Variants in PLXNC1 observed in about 807,000 individuals in gnomAD.
PLXNC1 encodes plexin C1.
In PLXNC1, 75 loss-of-function variants were observed where a neutral mutation model predicts 178.2. That is an observed-to-expected ratio of 0.42 (90% CI 0.35 to 0.51). The LOEUF (loss-of-function observed/expected upper bound fraction) is 0.51, where lower values mean the gene tolerates loss of function less well. PLXNC1 is among the 20% of genes least tolerant of loss of function. The probability of loss-of-function intolerance (pLI) is 0.02; values close to 1 mark genes in which losing one functional copy is unlikely to be tolerated. For missense variants in PLXNC1, 1,503 were observed against 1,984.4 expected (o/e 0.76, Z 4.61); for synonymous variants, 790 against 779.9 (o/e 1.01, Z -0.22).
chr12:94,191,769 C>CA (rs58096506), intron 4 of PLXNC1, among the ~76,000 whole-genome samples: 26,077 of 141,104 alleles, frequency 0.18, 2,500 homozygotes, highest in Admixed American at 0.2. Context: ...AACTCCATCT[C>CA]AAAAAAAAAA....
Position 94,209,650 on chromosome 12 carries a change from G to C in PLXNC1, c.1500G>C (p.Ser500=), listed in dbSNP as rs369096323. 14 of 1,613,392 alleles carry C rather than the reference G, an allele frequency of 8.7e-6. No individual in the cohort carries two copies. Among genetic ancestry groups the C allele is most frequent in the Non-Finnish European group, 1.2e-5 (14 of 1,179,558 alleles). ...SENLENWLDI[S]SGAKKCPKIQ... ...ACTTAGAAAACTGGCTGGATATTTC[G>C]TCTGGAGCAAAAAAGTGCCCTAAAA... Residue 500 remains serine, a synonymous_variant, in exon 5 of 31, where the codon TCG becomes TCC. Transcript: ENST00000258526.
Position 94,306,237 on chromosome 12 carries a change from A to AG in PLXNC1, c.*953dup, listed in dbSNP as rs1968998581. On this transcript the variant is annotated 3_prime_UTR_variant, in exon 31 of 31. Transcript: ENST00000258526. The stretch of plus-strand genomic sequence containing the variant: ...ACTTGTGTGTGATTTAAAAAAAAAA[A>AG]GATACATTTTACATTTTATCGAATT... 6.6e-6 allele frequency: 1 copy of AG among 151,882 alleles called. No individual in the cohort carries two copies. Among genetic ancestry groups the AG allele is most frequent in the Non-Finnish European group, 1.5e-5 (1 of 67,966 alleles). 9.4% of individuals were successfully genotyped at this position (151,882 alleles called of 1,614,324 possible).
At chr12:94,189,588 G>T (rs1337556795) in intron 4 of PLXNC1, among the ~76,000 whole-genome samples, 2 of 152,054 alleles carry the variant, frequency 1.3e-5, no homozygotes, top group African/African-American at 4.8e-5. Flanking sequence ...GTTAAGGTGG[G>T]AGGCTTGCTT....
intron 1 of PLXNC1, among the ~76,000 whole-genome samples, chr12:94,163,678 T>G (rs1228347815): frequency 6.6e-6 from 1 of 152,160 alleles, no homozygotes; most frequent in Non-Finnish European, 1.5e-5. Flanking sequence ...ACGGCTGTGC[T>G]GCACACCAGT....
chr12:94,284,105 AAAAG>A (rs1460535451), intron 23 of PLXNC1, among the ~76,000 whole-genome samples: 6 of 151,782 alleles, frequency 4.0e-5, no homozygotes, highest in Non-Finnish European at 5.9e-5. Flanking sequence ...AAAAAAAAAA[AAAAG>A]CAGGGTTTGC....
In PLXNC1 at chr12:94,300,946, C is replaced by A. The variant is rs1163947191; in HGVS notation, c.4275C>A (p.Asn1425Lys). ...PLRFWVNILK[N>K]PQFVFDIKKT... ...GCTTCTGGGTAAACATCCTGAAGAA[C>A]CCTCAGTTTGTCTTTGACATTAAGA... The change falls in exon 28 of 31, where the codon AAC (asparagine) becomes AAA (lysine). Residue 1425 changes from asparagine (N) to lysine (K), a missense_variant. By Grantham distance (94) the Asn-to-Lys change is moderately conservative. Coordinates refer to ENST00000258526, the MANE Select transcript of PLXNC1 (RefSeq NM_005761.3). 2.5e-6 allele frequency: 4 copies of A among 1,613,332 alleles called. No homozygotes were observed. The highest frequency in any genetic ancestry group is 1.3e-5 in the African/African-American group (1 of 74,992).
intron 4 of PLXNC1, among the ~76,000 whole-genome samples, chr12:94,204,560 G>A (rs1273265637): frequency 1.3e-5 from 2 of 152,194 alleles, no homozygotes; most frequent in Non-Finnish European, 2.9e-5. Context: ...CTTATGTTTT[G>A]GCATTCCCCT....
At chr12:94,217,007 C>T (rs1007673249) in intron 5 of PLXNC1, among the ~76,000 whole-genome samples, 33 of 152,186 alleles carry the variant, frequency 2.2e-4, no homozygotes, top group African/African-American at 7.5e-4. Context: ...AAAATACCTT[C>T]ACCTCACTGG....
rs1279402594 is a variant in PLXNC1 at position 94,305,435 on chromosome 12, A to G, written c.*150A>G. 4 of 593,418 alleles carry G rather than the reference A, an allele frequency of 6.7e-6. No individual in the cohort carries two copies. The highest frequency in any genetic ancestry group is 2.8e-5 in the East Asian group (1 of 35,776). 36.8% of individuals were successfully genotyped at this position (593,418 alleles called of 1,614,324 possible). The stretch of plus-strand genomic sequence containing the variant: ...TTTTAAGAGACCAAGGCACATGCAC[A>G]GCTTTTAGAAAGCATACCAACCCTT... On this transcript the variant is annotated 3_prime_UTR_variant, in exon 31 of 31. Transcript: ENST00000258526.
At chr12:94,184,011 G>T (rs548107073) in intron 3 of PLXNC1, among the ~76,000 whole-genome samples, 2 of 152,076 alleles carry the variant, frequency 1.3e-5, no homozygotes, top group South Asian at 4.1e-4. Context: ...ATACGGGGCC[G>T]CTAAAAATAA....
At chr12:94,183,344 C>CCAGT (rs751103345) in intron 3 of PLXNC1, among the ~76,000 whole-genome samples, 78 of 152,328 alleles carry the variant, frequency 5.1e-4, no homozygotes, top group Admixed American at 4.6e-3. Context: ...AGCTTGTAAA[C>CCAGT]CAGTCCTTCA....
chr12:94,244,310 A>G (rs755780210), intron 12 of PLXNC1, among the ~76,000 whole-genome samples: 4 of 152,178 alleles, frequency 2.6e-5, no homozygotes, highest in Non-Finnish European at 5.9e-5. Flanking sequence ...TAATGAGGCA[A>G]TGCTTATGAA....
rs983745132 is a variant in PLXNC1 at position 94,149,382 on chromosome 12, G to A, written c.411G>A (p.Arg137=). The A allele has an allele frequency of 2.8e-6, 4 of 1,428,744 alleles. No individual in the cohort carries two copies. Among genetic ancestry groups the A allele is most frequent in the Admixed American group, 3.0e-5 (1 of 33,720 alleles). The allele number at this position is 1,428,744 out of a possible 1,614,324, so 88.5% of individuals were successfully genotyped here. Residue 137 remains arginine (R), a synonymous_variant, in exon 1 of 31, where the codon CGG becomes CGA. Transcript: ENST00000258526. ...TCGACCGGGGCGCCTGCGAGGTGCG[G>A]CCCCTGGGCAACCTGAGCCGCAACT... is the stretch of plus-strand genomic sequence containing the variant. ...WTFDRGACEV[R]PLGNLSRNSL...
intron 10 of PLXNC1, among the ~76,000 whole-genome samples, chr12:94,239,298 A>C (rs1565824873): frequency 2.0e-5 from 3 of 152,248 alleles, no homozygotes; most frequent in Admixed American, 6.5e-5. Flanking sequence ...ATTATTTTAA[A>C]GAGAAAAATA....
chr12:94,195,250 C>G (rs544550234), intron 4 of PLXNC1, among the ~76,000 whole-genome samples: 1 of 152,302 alleles, frequency 6.6e-6, no homozygotes, highest in South Asian at 2.1e-4. Context: ...ATCCAAGTCT[C>G]TCCCGGCCTC....
rs748407665 is a variant in PLXNC1, at chr12:94,149,250, G to A, written c.279G>A (p.Leu93=). Residue 93 remains leucine, a synonymous_variant, in exon 1 of 31, where the codon CTG becomes CTA. Coordinates refer to ENST00000258526, the MANE Select transcript of PLXNC1 (RefSeq NM_005761.3). ...GCAACTGCACAGAGCCGGTCTCGCT[G>A]GCGCCCCCCGCGCGGCCCCGGCCCG... is the stretch of plus-strand genomic sequence containing the variant. The part of the protein sequence containing the change: ...QAGNCTEPVS[L]APPARPRPGS... 5.1e-5 allele frequency: 79 copies of A among 1,549,546 alleles called. No homozygotes were observed. Among genetic ancestry groups the A allele is most frequent in the Non-Finnish European group, 6.7e-5 (77 of 1,156,074 alleles).
At position 94,237,760 on chromosome 12, in the gene PLXNC1, A is replaced by G; in HGVS notation, c.2077A>G (p.Ile693Val). The G allele has an allele frequency of 6.2e-7, 1 of 1,614,102 alleles. No homozygotes were observed. Among genetic ancestry groups the G allele is most frequent in the South Asian group, 1.1e-5 (1 of 91,084 alleles). The change falls in exon 10 of 31, where the codon ATC (isoleucine) becomes GTC (valine). Residue 693 changes from isoleucine to valine, a missense_variant. Around this residue, in one of 4 missense-constraint regions of PLXNC1, gnomAD observed 615 missense variants for 698.6 expected, o/e 0.88. Coordinates refer to ENST00000258526, the MANE Select transcript of PLXNC1 (RefSeq NM_005761.3). ...AGCAAACTTTACCCGGGCATCGAAC[A>G]TCACAATGATCCTGAAAGGAACCAG... is the stretch of plus-strand genomic sequence containing the variant. ...TGANFTRASNITMILKGTSTC... is the reference protein window; with the variant it reads ...TGANFTRASNVTMILKGTSTC...
chr12:94,229,581 T>A (rs1330199844), intron 9 of PLXNC1, among the ~76,000 whole-genome samples: 1 of 152,224 alleles, frequency 6.6e-6, no homozygotes, highest in Non-Finnish European at 1.5e-5. Flanking sequence ...ATATATGGCA[T>A]AAGAAATGGG....
intron 21 of PLXNC1, 121 bp downstream of exon 21, chr12:94,265,346 T>C: frequency 1.2e-6 from 1 of 825,598 alleles, no homozygotes; most frequent in Admixed American, 2.4e-5. Flanking sequence ...CCTGTGTGTT[T>C]AGTTAATTAA....
Sources: allele counts gnomAD v4.1 joint callset (sites outside exome capture counted in the v4.1 genomes callset), GRCh38; gene constraint gnomAD v4.1.1; regional missense constraint gnomAD v4.1.1; transcripts MANE v1.5; gene names NCBI Gene and HGNC (gene_info 2026-07-23, HGNC 2026-07-21).